FLT1: variants seen among roughly 807,000 people sequenced by gnomAD.
FLT1 encodes the protein vascular endothelial growth factor receptor 1.
Under a neutral mutation model 156.3 loss-of-function variants are expected in FLT1, and 49 were observed. The observed-to-expected ratio is 0.31, with a 90% confidence interval of 0.25 to 0.40. The LOEUF (loss-of-function observed/expected upper bound fraction) is 0.40. FLT1 is among the 10% of genes least tolerant of loss of function. The pLI, the probability that FLT1 is intolerant of heterozygous loss-of-function variation, is 1.00. For missense variants in FLT1, 1,322 were observed against 1,637.2 expected (o/e 0.81, Z 3.32); for synonymous variants, 594 against 583.8 (o/e 1.02, Z -0.25).
intron 11 of FLT1, among the ~76,000 whole-genome samples, chr13:28,403,604 C>A (rs1300402613): frequency 6.6e-6 from 1 of 152,194 alleles, no homozygotes; most frequent in African/African-American, 2.4e-5. Flanking sequence ...TAATATCCGG[C>A]AGTTAACAGT....
At chr13:28,465,177 T>G in intron 3 of FLT1, among the ~76,000 whole-genome samples, 1 of 152,182 alleles carries the variant, frequency 6.6e-6, no homozygotes, top group East Asian at 1.9e-4. Context: ...TCTCTACCCT[T>G]CCTCATTCCT....
At chr13:28,305,751 C>G (rs976892550) in intron 29 of FLT1, among the ~76,000 whole-genome samples, 1 of 152,190 alleles carries the variant, frequency 6.6e-6, no homozygotes, top group Non-Finnish European at 1.5e-5. Context: ...AACTCGTAAA[C>G]TTTCTTAAAA....
rs150593541 is a variant in FLT1 at position 28,372,345 on chromosome 13, G to C, written c.2116+12540C>G. Among the ~76,000 whole-genome samples, 1,204 of 149,042 alleles carry C rather than the reference G, an allele frequency of 8.1e-3. 18 individuals carry two copies. The highest frequency in any genetic ancestry group is 0.027 in the African/African-American group (1,118 of 40,772). On this transcript the variant is annotated intron_variant, in intron 14 of 29. Coordinates refer to ENST00000282397, the MANE Select transcript of FLT1 (RefSeq NM_002019.4). ...AATCTGCCTGCCTCAGCCTCCCAAA[G>C]TGCTGGGGGATTACAGGCATGAGCC...
rs398117139 is a variant in FLT1, at chr13:28,342,944, CTT to C, written c.2355+2499_2355+2500del. On this transcript the variant is annotated intron_variant, in intron 16 of 29. Coordinates refer to ENST00000282397, the MANE Select transcript of FLT1 (RefSeq NM_002019.4). ...CAGAGGTACCATAATTTCTTTCTTT[CTT>C]TCTCTCTCTCTCTCTCTCTCTCTTT... Among the ~76,000 whole-genome samples, 107 of 49,630 alleles carry C rather than the reference CTT, an allele frequency of 2.2e-3. No homozygotes were observed. The Middle Eastern group carries it at 0.049, about 23-fold the overall frequency. The allele number at this position is 49,630 out of a possible 152,430, so 32.6% of individuals were successfully genotyped here.
intron 14 of FLT1, among the ~76,000 whole-genome samples, chr13:28,381,668 C>A (rs1023078421): frequency 6.6e-6 from 1 of 152,186 alleles, no homozygotes; most frequent in African/African-American, 2.4e-5. Context: ...TCTGGGAGAA[C>A]CTCTCAAGGG....
At chr13:28,342,141 C>T (rs1449550520) in intron 16 of FLT1, among the ~76,000 whole-genome samples, 2 of 152,148 alleles carry the variant, frequency 1.3e-5, no homozygotes, top group Non-Finnish European at 2.9e-5. Flanking sequence ...CCTCGGCCTC[C>T]CAAAGTTCTG....
intron 14 of FLT1, among the ~76,000 whole-genome samples, chr13:28,378,198 G>A (rs969132076): frequency 2.6e-5 from 4 of 151,870 alleles, no homozygotes; most frequent in Non-Finnish European, 5.9e-5. Context: ...ATCAGCATGC[G>A]CCACCATGCC....
intron 6 of FLT1, among the ~76,000 whole-genome samples, chr13:28,432,068 T>G (rs532514343): frequency 8.7e-4 from 133 of 152,242 alleles, no homozygotes; most frequent in Middle Eastern, 3.4e-3. Flanking sequence ...ACAATGACAG[T>G]CCTGCTCACT....
At chr13:28,429,436 A>G (rs986328266) in intron 8 of FLT1, among the ~76,000 whole-genome samples, 2 of 152,216 alleles carry the variant, frequency 1.3e-5, no homozygotes, top group Non-Finnish European at 2.9e-5. Context: ...CAGATCATAA[A>G]CAGATTACAT....
chr13:28,472,060 TC>T (rs1880208776), intron 1 of FLT1, among the ~76,000 whole-genome samples: 2 of 152,256 alleles, frequency 1.3e-5, no homozygotes, highest in South Asian at 4.1e-4. Context: ...CTTATCTGAG[TC>T]TTTTCTTCAT....
At chr13:28,455,764 A>C (rs1488917280) in intron 3 of FLT1, among the ~76,000 whole-genome samples, 1 of 152,254 alleles carries the variant, frequency 6.6e-6, no homozygotes, top group Non-Finnish European at 1.5e-5. Context: ...TTTCCAAAAC[A>C]TACAAAGAAT....
chr13:28,473,777 GGAAA>G (rs1224855124), intron 1 of FLT1, among the ~76,000 whole-genome samples: 1,763 of 63,138 alleles, frequency 0.028, 70 homozygotes, highest in Middle Eastern at 0.055. Flanking sequence ...AAGGAAGGAA[GGAAA>G]GAAAGAAAGA....
At chr13:28,442,223 T>C (rs1350282987) in intron 3 of FLT1, among the ~76,000 whole-genome samples, 1 of 152,248 alleles carries the variant, frequency 6.6e-6, no homozygotes, top group Non-Finnish European at 1.5e-5. Context: ...TGTGAGTCTA[T>C]ATTTTTGTCT....
chr13:28,444,302 G>A (rs945265950), intron 3 of FLT1, among the ~76,000 whole-genome samples: 12 of 152,158 alleles, frequency 7.9e-5, no homozygotes, highest in African/African-American at 2.2e-4. Flanking sequence ...GTTAGCCAGT[G>A]TGGTGATGCA....
chr13:28,492,075 A>G (rs1881504374), intron 1 of FLT1, among the ~76,000 whole-genome samples: 1 of 151,738 alleles, frequency 6.6e-6, no homozygotes, highest in Non-Finnish European at 1.5e-5. Flanking sequence ...TGCAATTTAG[A>G]CCAAAAAAAA....
At chr13:28,345,707 C>A (rs750585236) in intron 15 of FLT1, 156 bp from the exon 16 acceptor site, 10 of 663,066 alleles carry the variant, frequency 1.5e-5, no homozygotes, top group Non-Finnish European at 2.2e-5. Flanking sequence ...AGATCTCTTA[C>A]CTTCTAAGCC....
chr13:28,479,767 G>T (rs1315403061), intron 1 of FLT1, among the ~76,000 whole-genome samples: 3 of 151,978 alleles, frequency 2.0e-5, no homozygotes, highest in Non-Finnish European at 4.4e-5. Flanking sequence ...CATTCTCAGG[G>T]GATATATACC....
At chr13:28,437,496 A>G (rs1878096808) in intron 4 of FLT1, among the ~76,000 whole-genome samples, 3 of 152,130 alleles carry the variant, frequency 2.0e-5, no homozygotes, top group Non-Finnish European at 4.4e-5. Flanking sequence ...AAGCTCTCAG[A>G]ACTTAGCACA....
At chr13:28,416,755 G>T (rs952789712) in intron 10 of FLT1, among the ~76,000 whole-genome samples, 8 of 152,116 alleles carry the variant, frequency 5.3e-5, no homozygotes. Context: ...GCTCTAGATG[G>T]TCTTTAAGTA....
Sources: allele counts gnomAD v4.1 joint callset (sites outside exome capture counted in the v4.1 genomes callset), GRCh38; gene constraint gnomAD v4.1.1; transcripts MANE v1.5; gene names NCBI Gene and HGNC (gene_info 2026-07-23, HGNC 2026-07-21).